KLF7: variants seen among roughly 807,000 people sequenced by gnomAD.
KLF7 encodes KLF transcription factor 7.
Under a neutral mutation model 27.3 loss-of-function variants are expected in KLF7, and 2 were observed. The observed-to-expected ratio is 0.07, with a 90% CI of 0.03 to 0.23. The LOEUF is 0.23. KLF7 is among the 10% of genes least tolerant of loss of function. The pLI is 1.00. For missense variants in KLF7, 221 were observed against 394.1 expected, an observed-to-expected ratio of 0.56 and a Z score of 3.72; for synonymous variants, 165 against 162.4, an observed-to-expected ratio of 1.02 and a Z score of -0.12.
intron 1 of KLF7, among the ~76,000 whole-genome samples, chr2:207,126,317 CTTCTT>C (rs1443065447): frequency 6.6e-6 from 1 of 152,156 alleles, no homozygotes; most frequent in African/African-American, 2.4e-5. Context: ...CCTTAAATTT[CTTCTT>C]CCCTTTCTGA....
At chr2:207,111,819 C>T (rs2077046493) in intron 2 of KLF7, among the ~76,000 whole-genome samples, 1 of 152,112 alleles carries the variant, frequency 6.6e-6, no homozygotes. Context: ...GGGTTAATAA[C>T]CATGACCACC....
upstream of KLF7, among the ~76,000 whole-genome samples, chr2:207,169,671 A>G (rs1297253585): frequency 6.6e-6 from 1 of 152,150 alleles, no homozygotes; most frequent in East Asian, 1.9e-4. Flanking sequence ...AATTTTCCCA[A>G]CAACATGTAC....
At chr2:207,129,419 A>C (rs2077565955) in intron 1 of KLF7, among the ~76,000 whole-genome samples, 1 of 152,154 alleles carries the variant, frequency 6.6e-6, no homozygotes, top group Non-Finnish European at 1.5e-5. Flanking sequence ...ATGGGAAGAA[A>C]ATATTCCCGA....
chr2:207,167,117 G>T, upstream of KLF7: 2 of 1,428,392 alleles, frequency 1.4e-6, no homozygotes, highest in Non-Finnish European at 1.8e-6. Context: ...CTTGCGAGGG[G>T]GCCTTTACGT....
chr2:207,139,273 G>A (rs1391481007), intron 1 of KLF7, among the ~76,000 whole-genome samples: 1 of 152,026 alleles, frequency 6.6e-6, no homozygotes, highest in Non-Finnish European at 1.5e-5. Flanking sequence ...AATTCTTTTG[G>A]GAAAAGCATC....
upstream of KLF7, chr2:207,167,267 T>G: frequency 1.1e-6 from 1 of 881,982 alleles, no homozygotes; most frequent in Non-Finnish European, 1.5e-6. Flanking sequence ...CCCTGCACAA[T>G]TCACGTTAGG....
chr2:207,139,490 G>GT (rs57358721), intron 1 of KLF7, among the ~76,000 whole-genome samples: 35 of 149,108 alleles, frequency 2.3e-4, no homozygotes, highest in East Asian at 3.9e-4. Flanking sequence ...TAACAATTAG[G>GT]TTTTTTTTTT....
chr2:207,163,047 C>A (rs2078593136), intron 1 of KLF7, among the ~76,000 whole-genome samples: 1 of 152,140 alleles, frequency 6.6e-6, no homozygotes, highest in South Asian at 2.1e-4. Flanking sequence ...ACCATCACCA[C>A]CCCTTATACT....
the KLF7 span, among the ~76,000 whole-genome samples, chr2:207,172,795 A>G: frequency 6.6e-6 from 1 of 152,162 alleles, no homozygotes; most frequent in Non-Finnish European, 1.5e-5. Flanking sequence ...GGCCTTATCA[A>G]CCTTACTTTC....
chr2:207,097,469 T>C (rs528247969), intron 2 of KLF7, among the ~76,000 whole-genome samples: 1 of 152,318 alleles, frequency 6.6e-6, no homozygotes, highest in East Asian at 1.9e-4. Context: ...ACAGAGAACT[T>C]TGTCACCTGT....
upstream of KLF7, among the ~76,000 whole-genome samples, chr2:207,168,139 T>C (rs1170806290): frequency 1.3e-5 from 2 of 152,308 alleles, no homozygotes; most frequent in South Asian, 4.1e-4. Context: ...AACTTGGGTA[T>C]AGAAAACTAG....
intron 1 of KLF7, among the ~76,000 whole-genome samples, chr2:207,144,168 G>GGT (rs1384086950): frequency 1.5e-5 from 1 of 64,612 alleles, no homozygotes; most frequent in African/African-American, 5.6e-5. Flanking sequence ...GCGGGGGGGA[G>GGT]AAAAAAAAAA....
chr2:207,102,795 G>A (rs967291865), intron 2 of KLF7, among the ~76,000 whole-genome samples: 9 of 152,032 alleles, frequency 5.9e-5, no homozygotes, highest in African/African-American at 2.2e-4. Context: ...GTATCCCTTG[G>A]TTTTTGTTGA....
upstream of KLF7, among the ~76,000 whole-genome samples, chr2:207,170,059 T>C (rs1210559068): frequency 3.3e-5 from 5 of 150,924 alleles, no homozygotes; most frequent in East Asian, 7.8e-4. Context: ...AACACCGAGA[T>C]AGACCAAAAG....
intron 1 of KLF7, among the ~76,000 whole-genome samples, chr2:207,151,362 G>C (rs552478133): frequency 2.7e-4 from 41 of 151,964 alleles, no homozygotes; most frequent in African/African-American, 9.9e-4. Flanking sequence ...AATGATCTCT[G>C]AAGCTCAGGC....
In KLF7 at chr2:207,080,056, C is replaced by T. The variant is rs991079665; in HGVS notation, c.*1157G>A. On this transcript the variant is annotated 3_prime_UTR_variant, in exon 4 of 4. Transcript: ENST00000309446. ...ATACGCAGCTGCCCTCTGAGACTAG[C>T]GACATCTATGCTGTAACTGGTTATG... 3.3e-5 allele frequency: 5 copies of T among 152,124 alleles called. No individual in the cohort carries two copies. The highest frequency in any genetic ancestry group is 1.2e-4 in the African/African-American group (5 of 41,426). 9.4% of individuals were successfully genotyped at this position (152,124 alleles called of 1,614,324 possible). A position where few individuals can be genotyped will look rare whatever the true frequency, so the allele number is the denominator to read the frequency against.
chr2:207,169,496 CTTTA>C (rs1305916178), upstream of KLF7, among the ~76,000 whole-genome samples: 1 of 152,124 alleles, frequency 6.6e-6, no homozygotes, highest in African/African-American at 2.4e-5. Flanking sequence ...TTGCTTAAGA[CTTTA>C]TTTGAAAATA....
At chr2:207,094,226 A>C (rs189365621) in intron 2 of KLF7, among the ~76,000 whole-genome samples, 1 of 152,330 alleles carries the variant, frequency 6.6e-6, no homozygotes, top group East Asian at 1.9e-4. Flanking sequence ...AAATAAACTC[A>C]CTAATACAAA....
At chr2:207,172,356 C>G in the KLF7 span, among the ~76,000 whole-genome samples, 1 of 152,154 alleles carries the variant, frequency 6.6e-6, no homozygotes, top group Non-Finnish European at 1.5e-5. Flanking sequence ...CACTTCAACA[C>G]GACTGTTCAT....
Sources: gnomAD v4.1 joint callset for allele counts (sites outside exome capture counted in the v4.1 genomes callset) on GRCh38, gnomAD v4.1.1 for gene constraint, MANE v1.5 for transcripts, NCBI Gene and HGNC (gene_info 2026-07-23, HGNC 2026-07-21) for gene names.